KAZN: variants seen among roughly 807,000 people sequenced by gnomAD.
KAZN encodes kazrin, periplakin interacting protein, also known as kazrin.
In KAZN, 40 loss-of-function variants were observed where a neutral mutation model predicts 87.4. That is an observed-to-expected ratio of 0.46 (90% CI 0.36 to 0.60). KAZN has a LOEUF of 0.60. KAZN is among the 20% of genes least tolerant of loss of function. The probability of loss-of-function intolerance (pLI) is 0.00; values close to 1 mark genes in which losing one functional copy is unlikely to be tolerated. For missense variants in KAZN, 898 were observed against 1,073.9 expected (o/e 0.84, Z 2.29); for synonymous variants, 466 against 458.3 (o/e 1.02, Z -0.22).
At chr1:14,321,839 G>A (rs1434300153) in intron 2 of KAZN, among the ~76,000 whole-genome samples, 2 of 152,138 alleles carry the variant, frequency 1.3e-5, no homozygotes, top group Non-Finnish European at 2.9e-5. Context: ...TCAAAACTCA[G>A]AAGGTACAGA....
chr1:14,995,251 T>C (rs1469311420), intron 2 of KAZN, among the ~76,000 whole-genome samples: 1 of 152,236 alleles, frequency 6.6e-6, no homozygotes, highest in Non-Finnish European at 1.5e-5. Context: ...TGACTTTTCA[T>C]GGAGTTCCCT....
chr1:14,595,689 A>G (rs1288899962), upstream of KAZN, among the ~76,000 whole-genome samples: 1 of 151,488 alleles, frequency 6.6e-6, no homozygotes, highest in African/African-American at 2.4e-5. Context: ...TCAAAAAAAA[A>G]AAAAAAAAAG....
intron 2 of KAZN, among the ~76,000 whole-genome samples, chr1:14,471,260 G>T (rs1668439585): frequency 6.6e-6 from 1 of 152,084 alleles, no homozygotes; most frequent in Non-Finnish European, 1.5e-5. Flanking sequence ...CTTGATTAAG[G>T]ATTTGCCTCT....
chr1:14,188,236 T>TGTGA (rs1406316215), intron 2 of KAZN, among the ~76,000 whole-genome samples: 1 of 139,204 alleles, frequency 7.2e-6, no homozygotes, highest in African/African-American at 2.6e-5. Context: ...TGTGTGTGTG[T>TGTGA]GAAAGAGAAG....
chr1:14,627,753 C>G (rs1286230214), intron 1 of KAZN, among the ~76,000 whole-genome samples: 1 of 152,154 alleles, frequency 6.6e-6, no homozygotes, highest in African/African-American at 2.4e-5. Flanking sequence ...GGTAGCATAA[C>G]CCCCGACCGC....
rs1262628380 is a variant in KAZN, at chr1:14,382,717, G to A, written c.249+202125G>A. On this transcript the variant is annotated intron_variant, in intron 2 of 16. Coordinates refer to the KAZN transcript ENST00000636203. Reference sequence around the variant, plus strand: ...CCACATTTTCTTAATCCAGTCTATCGTTGTTGGACATTTGGGTTGGTTCCA... The same window carrying A: ...CCACATTTTCTTAATCCAGTCTATCATTGTTGGACATTTGGGTTGGTTCCA... Among the ~76,000 whole-genome samples, 130 of 146,728 alleles carry A rather than the reference G, an allele frequency of 8.9e-4. 1 individual carries two copies. The highest frequency in any genetic ancestry group is 1.4e-3 in the Non-Finnish European group (94 of 65,992).
At chr1:14,345,520 A>G (rs986679789) in intron 2 of KAZN, among the ~76,000 whole-genome samples, 3 of 152,204 alleles carry the variant, frequency 2.0e-5, no homozygotes, top group Non-Finnish European at 2.9e-5. Flanking sequence ...ACTCAGAATC[A>G]TTGAGATATA....
intron 1 of KAZN, among the ~76,000 whole-genome samples, chr1:14,056,605 A>G (rs1163142548): frequency 6.6e-6 from 1 of 152,240 alleles, no homozygotes; most frequent in Admixed American, 6.5e-5. Flanking sequence ...TTGTTACAGC[A>G]GCAACAGAAA....
At chr1:14,988,667 A>T (rs1667064194) in intron 2 of KAZN, among the ~76,000 whole-genome samples, 1 of 152,192 alleles carries the variant, frequency 6.6e-6, no homozygotes, top group South Asian at 2.1e-4. Flanking sequence ...CCTATTCTTA[A>T]GTATCTGTTT....
chr1:14,514,783 C>G lies in KAZN; in HGVS notation c.250-84200C>G, dbSNP rs147978689. ...ACAAATGACTTCAACTTCCTGAGCCCCCTTCCTGAACCTCATTCATAAAAT... is the reference window on the plus strand; with the variant it reads ...ACAAATGACTTCAACTTCCTGAGCCGCCTTCCTGAACCTCATTCATAAAAT... On this transcript the variant is annotated intron_variant, in intron 2 of 16. Coordinates refer to the KAZN transcript ENST00000636203. Among the ~76,000 whole-genome samples, 333 of 151,206 alleles carry G rather than the reference C, an allele frequency of 2.2e-3. 2 individuals carry two copies. Among genetic ancestry groups the G allele is most frequent in the African/African-American group, 7.7e-3 (316 of 41,118 alleles).
At chr1:15,089,517 C>A (rs538293899) in intron 8 of KAZN, among the ~76,000 whole-genome samples, 4 of 152,280 alleles carry the variant, frequency 2.6e-5, no homozygotes, top group African/African-American at 7.2e-5. Context: ...CCAAACAGTG[C>A]CCAAGCCCCA....
intron 2 of KAZN, among the ~76,000 whole-genome samples, chr1:14,238,764 T>C (rs899956353): frequency 4.6e-5 from 7 of 152,206 alleles, no homozygotes; most frequent in Admixed American, 4.6e-4. Context: ...GACCTGGACT[T>C]TTCCAATTTC....
intron 1 of KAZN, among the ~76,000 whole-genome samples, chr1:14,036,077 C>G (rs1641541153): frequency 6.6e-6 from 1 of 152,102 alleles, no homozygotes; most frequent in Non-Finnish European, 1.5e-5. Flanking sequence ...TCTAGGCAAA[C>G]TGTGGAAGGC....
At chr1:14,953,003 G>A (rs997777341) in intron 1 of KAZN, among the ~76,000 whole-genome samples, 1 of 151,758 alleles carries the variant, frequency 6.6e-6, no homozygotes, top group Admixed American at 6.5e-5. Flanking sequence ...GCTGGGAAGT[G>A]GGGGAGCCAA....
chr1:14,744,189 C>G (rs1325237811), intron 1 of KAZN, among the ~76,000 whole-genome samples: 4 of 152,168 alleles, frequency 2.6e-5, no homozygotes, highest in African/African-American at 9.7e-5. Flanking sequence ...ATTAATAACA[C>G]TAGCAGCATT....
At chr1:14,883,318 A>AAGAGAGAGAGAG (rs1219653139) in intron 1 of KAZN, among the ~76,000 whole-genome samples, 10 of 38,592 alleles carry the variant, frequency 2.6e-4, no homozygotes, top group East Asian at 1.8e-3. Flanking sequence ...GAAAGAAAGA[A>AAGAGAGAGAGAG]AGAGAGAGAG....
rs762992151 is a variant in KAZN, at chr1:14,769,881, G to A, written c.226+170658G>A. Among the ~76,000 whole-genome samples the A allele has an allele frequency of 3.1e-4, 47 of 152,182 alleles. No individual in the cohort carries two copies. Among genetic ancestry groups the A allele is most frequent in the Non-Finnish European group, 5.4e-4 (37 of 68,022 alleles). On this transcript the variant is annotated intron_variant, in intron 1 of 14. Transcript: ENST00000376030. This position sits in a 1 kb window ranked among gnomAD's most constrained non-coding sequence, Gnocchi z 4.1. ...AACTGAGTATTCTGGGTTTGGGACCGGGCTATAGGATCCTAAGTGTAGGAG... is the reference window on the plus strand; with the variant it reads ...AACTGAGTATTCTGGGTTTGGGACCAGGCTATAGGATCCTAAGTGTAGGAG...
At chr1:14,924,232 C>T in intron 1 of KAZN, 1 of 981,298 alleles carries the variant, frequency 1.0e-6, no homozygotes, top group Non-Finnish European at 1.2e-6. Context: ...CGGCGCGCGC[C>T]GCCGGCCGGG....
intron 2 of KAZN, among the ~76,000 whole-genome samples, chr1:14,224,105 G>C (rs778789087): frequency 2.6e-5 from 4 of 152,030 alleles, no homozygotes; most frequent in Non-Finnish European, 4.4e-5. Context: ...AAAACTTCAG[G>C]GGTGAACAAC....
Sources: allele counts gnomAD v4.1 joint callset (sites outside exome capture counted in the v4.1 genomes callset), GRCh38; gene constraint gnomAD v4.1.1; non-coding constraint Gnocchi (gnomAD v3.1); transcripts MANE v1.5; gene names NCBI Gene and HGNC (gene_info 2026-07-23, HGNC 2026-07-21).